Variants in FRAS1 observed in about 807,000 individuals in gnomAD.
FRAS1 encodes the protein Fraser extracellular matrix complex subunit 1, also known as extracellular matrix organizing protein FRAS1.
Under a neutral mutation model 435.2 loss-of-function variants are expected in FRAS1, and 290 were observed. The ratio of observed to expected loss-of-function variants is 0.67; its 90% CI spans 0.61 to 0.73. The LOEUF (loss-of-function observed/expected upper bound fraction) is 0.73. Among genes scored for constraint, FRAS1 ranks in the 30% least tolerant of loss-of-function variants. The pLI, the probability that FRAS1 is intolerant of heterozygous loss-of-function variation, is 0.00. For synonymous variants in FRAS1, 1,800 were observed against 1,851.0 expected (o/e 0.97, Z 0.71); for missense variants, 4,860 against 5,001.5 (o/e 0.97, Z 0.85).
At chr4:78,335,627 T>G (rs1267268360) in intron 19 of FRAS1, among the ~76,000 whole-genome samples, 1 of 152,192 alleles carries the variant, frequency 6.6e-6, no homozygotes, top group African/African-American at 2.4e-5. Context: ...ACAAGCTACC[T>G]TGGGTGTTAA....
intron 9 of FRAS1, among the ~76,000 whole-genome samples, chr4:78,276,402 A>G (rs1473738115): frequency 1.3e-5 from 2 of 152,062 alleles, no homozygotes; most frequent in Non-Finnish European, 2.9e-5. Flanking sequence ...TGATTTTTAA[A>G]ATTTTCAGCT....
intron 65 of FRAS1, among the ~76,000 whole-genome samples, chr4:78,514,648 T>C (rs538596783): frequency 6.6e-6 from 1 of 152,340 alleles, no homozygotes; most frequent in African/African-American, 2.4e-5. Flanking sequence ...TAAAAGCAAT[T>C]AAATTCAAGA....
intron 16 of FRAS1, among the ~76,000 whole-genome samples, chr4:78,316,274 T>C (rs1372094325): frequency 6.6e-6 from 1 of 152,224 alleles, no homozygotes; most frequent in Non-Finnish European, 1.5e-5. Context: ...TTCTACCTTA[T>C]GTATGCCTGA....
intron 28 of FRAS1, among the ~76,000 whole-genome samples, chr4:78,384,462 G>A (rs558278337): frequency 6.6e-5 from 10 of 152,258 alleles, no homozygotes; most frequent in East Asian, 5.8e-4. Flanking sequence ...ACAAGAAGGC[G>A]ACATAACATG....
chr4:78,465,415 A>G (rs1196459317), intron 49 of FRAS1, among the ~76,000 whole-genome samples: 1 of 152,232 alleles, frequency 6.6e-6, no homozygotes, highest in East Asian at 1.9e-4. Context: ...ATAGAGATTG[A>G]TAGATATGCT....
chr4:78,273,725 A>G (rs1726840047), intron 9 of FRAS1, among the ~76,000 whole-genome samples: 1 of 152,210 alleles, frequency 6.6e-6, no homozygotes, highest in Non-Finnish European at 1.5e-5. Context: ...CCAGTATTTT[A>G]TTGAGGATTT....
chr4:78,152,582 T>A (rs948032344), intron 2 of FRAS1, among the ~76,000 whole-genome samples: 1 of 151,274 alleles, frequency 6.6e-6, no homozygotes, highest in Non-Finnish European at 1.5e-5. Flanking sequence ...CACTGTTTTG[T>A]GTGTTCTTCA....
Position 78,119,096 on chromosome 4 carries a change from G to A in FRAS1, c.108+53080G>A, listed in dbSNP as rs141395083. ...ATAATTGTATATATTCATGAGGTAC[G>A]TAAGGATGTTTTAATACATATAATG... On this transcript the variant is annotated intron_variant, in intron 2 of 73. Coordinates refer to ENST00000512123, the MANE Select transcript of FRAS1 (RefSeq NM_025074.7). 9.1e-4 allele frequency among the ~76,000 whole-genome samples: 138 copies of A among 152,236 alleles called. 4 individuals carry two copies. The highest frequency in any genetic ancestry group is 2.2e-3 in the Admixed American group (33 of 15,292).
intron 5 of FRAS1, among the ~76,000 whole-genome samples, chr4:78,254,582 T>G (rs950121505): frequency 3.9e-5 from 6 of 152,010 alleles, no homozygotes; most frequent in African/African-American, 1.2e-4. Context: ...TTGTCTGAGT[T>G]TGTGGGATTC....
intron 1 of FRAS1, among the ~76,000 whole-genome samples, chr4:78,064,273 C>T (rs1223334455): frequency 5.3e-5 from 8 of 149,594 alleles, no homozygotes; most frequent in Non-Finnish European, 1.2e-4. Context: ...ATAGACACTC[C>T]CTATTCCTTT....
intron 47 of FRAS1, among the ~76,000 whole-genome samples, chr4:78,456,688 G>A (rs560686062): frequency 2.6e-5 from 4 of 152,314 alleles, no homozygotes; most frequent in African/African-American, 9.6e-5. Flanking sequence ...TGGGGTTGAA[G>A]GGTAATGGTG....
intron 22 of FRAS1, among the ~76,000 whole-genome samples, chr4:78,364,502 G>A (rs1731191138): frequency 6.6e-6 from 1 of 152,150 alleles, no homozygotes; most frequent in Non-Finnish European, 1.5e-5. Flanking sequence ...AATATTGACA[G>A]TGTACAAGGT....
At chr4:78,278,798 T>TGA in intron 10 of FRAS1, 54 bp downstream of exon 10, 2 of 1,035,610 alleles carry the variant, frequency 1.9e-6, no homozygotes, top group Non-Finnish European at 3.0e-6. Flanking sequence ...AAAATTAATC[T>TGA]AATGAGGGAA....
chr4:78,157,664 GT>G (rs1038863569), intron 2 of FRAS1, among the ~76,000 whole-genome samples: 1 of 152,096 alleles, frequency 6.6e-6, no homozygotes, highest in Non-Finnish European at 1.5e-5. Flanking sequence ...TAATTTGGTT[GT>G]TTTTTGCTTG....
chr4:78,210,989 G>A (rs974990900), intron 2 of FRAS1, among the ~76,000 whole-genome samples: 6 of 152,302 alleles, frequency 3.9e-5, no homozygotes, highest in African/African-American at 9.6e-5. Context: ...CTCCTGGTGC[G>A]CGTATGGTGT....
chr4:78,416,324 GT>G (rs982325056), intron 32 of FRAS1, among the ~76,000 whole-genome samples: 2 of 151,968 alleles, frequency 1.3e-5, no homozygotes, highest in Admixed American at 6.6e-5. Flanking sequence ...AGGGGGAGTT[GT>G]TCAATGGATA....
intron 15 of FRAS1, among the ~76,000 whole-genome samples, chr4:78,314,505 C>T (rs1393742612): frequency 6.6e-6 from 1 of 152,202 alleles, no homozygotes; most frequent in Non-Finnish European, 1.5e-5. Context: ...CAACTCTCCT[C>T]TTTACCCTCC....
At chr4:78,517,424 C>T (rs1704163453) in intron 66 of FRAS1, among the ~76,000 whole-genome samples, 1 of 152,156 alleles carries the variant, frequency 6.6e-6, no homozygotes, top group African/African-American at 2.4e-5. Flanking sequence ...TATTTTTATT[C>T]AGAATATGCT....
intron 2 of FRAS1, among the ~76,000 whole-genome samples, chr4:78,180,398 G>A (rs980778820): frequency 6.6e-6 from 1 of 152,172 alleles, no homozygotes; most frequent in African/African-American, 2.4e-5. Flanking sequence ...AGTTTAACAT[G>A]TCCCAGTTGA....
Sources: gnomAD v4.1 joint callset for allele counts (sites outside exome capture counted in the v4.1 genomes callset) on GRCh38, gnomAD v4.1.1 for gene constraint, MANE v1.5 for transcripts, NCBI Gene and HGNC (gene_info 2026-07-23, HGNC 2026-07-21) for gene names.